NOXRED1: variants seen among roughly 807,000 people sequenced by gnomAD.
The protein encoded by NOXRED1 is NADP dependent oxidoreductase domain containing 1.
Under a neutral mutation model 30.4 loss-of-function variants are expected in NOXRED1, and 20 were observed. The ratio of observed to expected loss-of-function variants is 0.66; its 90% CI spans 0.46 to 0.96. NOXRED1 has a LOEUF of 0.96. Ranked by LOEUF, NOXRED1 falls within the 40% of genes least tolerant of loss-of-function variation. The pLI, the probability that NOXRED1 is intolerant of heterozygous loss-of-function variation, is 0.00. For missense variants in NOXRED1, 374 were observed against 428.0 expected, an observed-to-expected ratio of 0.87 and a Z score of 1.11; for synonymous variants, 155 against 168.0, an observed-to-expected ratio of 0.92 and a Z score of 0.60.
rs1252383195 is a variant in NOXRED1, at chr14:77,407,627, C to T, written c.368G>A (p.Gly123Glu). Residue 123 changes from glycine (G) to glutamate (E), a missense_variant, in exon 3 of 6, where the codon GGA becomes GAA. By Grantham distance (98) the Gly-to-Glu change is moderately conservative. Coordinates refer to ENST00000380835, the MANE Select transcript of NOXRED1 (RefSeq NM_001113475.3). Reference sequence around the variant, plus strand: ...AGCGTTATGGTAAAAGCATTTGATTCCCAGCTTCTGGAGCTCACCTGGGAG... The same window carrying T: ...AGCGTTATGGTAAAAGCATTTGATTTCCAGCTTCTGGAGCTCACCTGGGAG... ...PETLGELQKLGIKCFYHNADL... is the reference protein window; with the variant it reads ...PETLGELQKLEIKCFYHNADL... 6.2e-7 allele frequency: 1 copy of T among 1,613,956 alleles called. No homozygotes were observed. The highest frequency in any genetic ancestry group is 2.2e-5 in the East Asian group (1 of 44,884).
At chr14:77,406,201 A>G in intron 4 of NOXRED1, 66 bp from the exon 5 acceptor site, 1 of 1,159,844 alleles carries the variant, frequency 8.6e-7, no homozygotes, top group Non-Finnish European at 1.3e-6. Context: ...AAAACCTAGA[A>G]TAAACCCCTG....
intron 1 of NOXRED1, among the ~76,000 whole-genome samples, chr14:77,419,802 C>T (rs574171258): frequency 2.0e-5 from 3 of 152,120 alleles, no homozygotes; most frequent in African/African-American, 7.2e-5. Flanking sequence ...CAAGCACTCC[C>T]TTCTGGCCTG....
At chr14:77,398,864 G>T (rs1463639892) in intron 5 of NOXRED1, among the ~76,000 whole-genome samples, 7 of 152,044 alleles carry the variant, frequency 4.6e-5, no homozygotes, top group African/African-American at 1.4e-4. Flanking sequence ...AGCTACTCAG[G>T]AGGCTGAGGC....
intron 3 of NOXRED1, 137 bp from the exon 4 acceptor site, chr14:77,407,012 T>C: frequency 1.4e-6 from 1 of 723,462 alleles, no homozygotes; most frequent in East Asian, 2.7e-5. Context: ...GGGTCTGTGC[T>C]GAGAGCACTA....
At chr14:77,401,156 C>T (rs1176682314) in intron 5 of NOXRED1, among the ~76,000 whole-genome samples, 2 of 151,982 alleles carry the variant, frequency 1.3e-5, no homozygotes, top group African/African-American at 4.8e-5. Flanking sequence ...GGGTGGATCA[C>T]GAGGTCAGGA....
intron 1 of NOXRED1, 94 bp downstream of exon 1, chr14:77,422,641 A>C (rs909007164): frequency 7.9e-7 from 1 of 1,259,850 alleles, no homozygotes; most frequent in African/African-American, 1.5e-5. Flanking sequence ...TCCACCAGCC[A>C]AACTTACCCT....
chr14:77,417,016 T>C (rs1220785364), intron 1 of NOXRED1, among the ~76,000 whole-genome samples: 4 of 151,950 alleles, frequency 2.6e-5, no homozygotes, highest in Non-Finnish European at 5.9e-5. Flanking sequence ...ACTTAAGATA[T>C]TTTCAAATTT....
In NOXRED1 at chr14:77,394,649, T is replaced by G. The variant is rs764903720; in HGVS notation, c.1062A>C (p.Thr354=). The change falls in exon 6 of 6, where the codon ACA becomes ACC. Residue 354 remains threonine (T), a synonymous_variant. Transcript: ENST00000380835. The part of the protein sequence containing the change: ...SLTKEQPVIS[T]GFPSQ ...AGTTCTCTTATTGGGATGGAAAGCC[T>G]GTGGAAATGACTGGCTGTTCTTTGG... The G allele has an allele frequency of 1.9e-5, 31 of 1,611,660 alleles. No homozygotes were observed. The South Asian group carries it at 3.2e-4, about 17-fold the overall frequency.
Position 77,407,492 on chromosome 14 carries a change from CT to C in NOXRED1, c.502del (p.Ser168AlafsTer3). 9.9e-6 allele frequency: 16 copies of C among 1,614,062 alleles called. No individual in the cohort carries two copies. The highest frequency in any genetic ancestry group is 1.4e-5 in the Non-Finnish European group (16 of 1,179,910). On this transcript the variant is annotated frameshift_variant, in exon 3 of 6. Coordinates refer to ENST00000380835, the MANE Select transcript of NOXRED1 (RefSeq NM_001113475.3). LOFTEE classifies it high-confidence loss of function. ...GGGTAGTGGGATGGCAGCTACAAAG[CT>C]GTACACAATGCTGGCCTTCTCAAGG... ...TSLEKASIVY[S>X]FVAAIPLPRL... is the part of the protein sequence containing the mutation.
chr14:77,423,042 C>T lies in NOXRED1; in HGVS notation c.-153G>A. On this transcript the variant is annotated 5_prime_UTR_variant, in exon 1 of 6. Transcript: ENST00000380835. The stretch of plus-strand genomic sequence containing the variant: ...GATGGGCTTCAGCACCTCTCTACTC[C>T]CAGATTCTGAATTTGGAATTCACCT... The T allele has an allele frequency of 1.6e-6, 1 of 621,338 alleles. No homozygotes were observed. The highest frequency in any genetic ancestry group is 2.8e-6 in the Non-Finnish European group (1 of 355,658). The allele number at this position is 621,338 out of a possible 1,614,324, so 38.5% of individuals were successfully genotyped here.
chr14:77,409,054 T>G (rs176770), intron 2 of NOXRED1, among the ~76,000 whole-genome samples: 1 of 151,884 alleles, frequency 6.6e-6, no homozygotes, highest in Admixed American at 6.6e-5. Context: ...CCTAAAGTGT[T>G]CACTCACATC....
At chr14:77,419,753 GTTT>G (rs978342396) in intron 1 of NOXRED1, among the ~76,000 whole-genome samples, 1 of 150,010 alleles carries the variant, frequency 6.7e-6, no homozygotes, top group Non-Finnish European at 1.5e-5. Flanking sequence ...TGACCAACAG[GTTT>G]TTTTTTTCTT....
intron 1 of NOXRED1, among the ~76,000 whole-genome samples, chr14:77,416,639 T>C (rs1275580791): frequency 3.3e-5 from 5 of 152,268 alleles, no homozygotes; most frequent in African/African-American, 1.2e-4. Flanking sequence ...GATTTCTCAA[T>C]CTTTTCCCCA....
intron 5 of NOXRED1, among the ~76,000 whole-genome samples, chr14:77,402,614 A>C (rs1486065853): frequency 6.6e-6 from 1 of 152,082 alleles, no homozygotes; most frequent in Non-Finnish European, 1.5e-5. Flanking sequence ...AGCCTGGGCA[A>C]CAAGAGCAAA....
intron 1 of NOXRED1, among the ~76,000 whole-genome samples, chr14:77,414,414 C>T (rs898062697): frequency 1.3e-5 from 2 of 152,080 alleles, no homozygotes; most frequent in African/African-American, 2.4e-5. Flanking sequence ...CTCCTGACCT[C>T]GTGATCCACC....
chr14:77,420,969 TACTGCAACAAGCCAC>T (rs1894979697), intron 1 of NOXRED1, among the ~76,000 whole-genome samples: 1 of 152,212 alleles, frequency 6.6e-6, no homozygotes, highest in Non-Finnish European at 1.5e-5. Flanking sequence ...AGGTTCTCTG[TACTGCAACAAGCCAC>T]TGAGTGATCC....
chr14:77,405,692 A>T (rs1894439030), intron 5 of NOXRED1, among the ~76,000 whole-genome samples: 1 of 152,242 alleles, frequency 6.6e-6, no homozygotes, highest in South Asian at 2.1e-4. Context: ...ATGTTTGTAA[A>T]TGCATAGATA....
intron 4 of NOXRED1, 158 bp downstream of exon 4, chr14:77,406,566 G>C: frequency 1.2e-6 from 1 of 819,718 alleles, no homozygotes; most frequent in South Asian, 1.4e-5. Context: ...TTCCTAAGTA[G>C]CTCTCCTGCA....
intron 1 of NOXRED1, among the ~76,000 whole-genome samples, chr14:77,415,627 T>TAGAC (rs796217339): frequency 0.17 from 22,470 of 135,262 alleles, 2,124 homozygotes; most frequent in East Asian, 0.55. Flanking sequence ...GATAGATAGA[T>TAGAC]AGATAGACAG....
Sources: allele counts gnomAD v4.1 joint callset (sites outside exome capture counted in the v4.1 genomes callset), GRCh38; gene constraint gnomAD v4.1.1; transcripts MANE v1.5; gene names NCBI Gene and HGNC (gene_info 2026-07-23, HGNC 2026-07-21).